The following DPP6 variants were observed in gnomAD, a reference collection of about 807,000 sequenced individuals.
The protein encoded by DPP6 is dipeptidyl peptidase like 6.
DPP6 carries 69 observed loss-of-function variants against 122.6 expected under a neutral mutation model. The ratio of observed to expected loss-of-function variants is 0.56; its 90% CI spans 0.46 to 0.69. The LOEUF is 0.69. Among genes scored for constraint, DPP6 ranks in the 30% least tolerant of loss-of-function variants. DPP6 has a pLI of 0.00. For synonymous variants in DPP6, 418 were observed against 433.1 expected, an observed-to-expected ratio of 0.97 and a Z score of 0.43; for missense variants, 928 against 1,116.9, an observed-to-expected ratio of 0.83 and a Z score of 2.41.
the DPP6 span, among the ~76,000 whole-genome samples, chr7:153,872,123 T>G: frequency 6.6e-6 from 1 of 152,310 alleles, no homozygotes; most frequent in Admixed American, 6.5e-5. Flanking sequence ...TCTGTAATGT[T>G]TTGCCTTAAA....
At chr7:154,064,872 G>A (rs2628933) in intron 1 of DPP6, among the ~76,000 whole-genome samples, 6 of 152,292 alleles carry the variant, frequency 3.9e-5, no homozygotes, top group East Asian at 1.9e-4. Flanking sequence ...CACCGCAAGC[G>A]CGTTGCACAG....
At chr7:153,912,118 A>G (rs987804873) in intron 1 of DPP6, among the ~76,000 whole-genome samples, 2 of 152,234 alleles carry the variant, frequency 1.3e-5, no homozygotes, top group Non-Finnish European at 2.9e-5. Context: ...CCAAAAAAAA[A>G]TATGTACACT....
chr7:154,575,920 G>T (rs1190385523), intron 5 of DPP6, among the ~76,000 whole-genome samples: 1 of 151,976 alleles, frequency 6.6e-6, no homozygotes, highest in African/African-American at 2.4e-5. Context: ...CGATTCTTTC[G>T]TGTATAGCTT....
At chr7:154,500,107 C>T (rs34090938) in intron 3 of DPP6, among the ~76,000 whole-genome samples, 9,926 of 152,128 alleles carry the variant, frequency 0.065, 366 homozygotes, top group East Asian at 0.13. Flanking sequence ...ATAGGTGGCT[C>T]GTCACACTAC....
At chr7:154,711,939 T>TACACACAC (rs57187871) in intron 7 of DPP6, among the ~76,000 whole-genome samples, 5,344 of 63,784 alleles carry the variant, frequency 0.084, 187 homozygotes, top group African/African-American at 0.14. Flanking sequence ...TGTCACTTAA[T>TACACACAC]ACACACACAC....
Position 154,892,598 on chromosome 7 carries a change from A to G in DPP6, c.*118A>G. ...GGCGGGGCGGGGCCGGGTGTTCCAT[A>G]GCATGTGTGTCTCGGATGCGGAAGG... On this transcript the variant is annotated 3_prime_UTR_variant, in exon 26 of 26. Coordinates refer to ENST00000377770, the MANE Select transcript of DPP6 (RefSeq NM_130797.4). 2 of 1,543,182 alleles carry G rather than the reference A, an allele frequency of 1.3e-6. No homozygotes were observed. The highest frequency in any genetic ancestry group is 2.3e-5 in the East Asian group (1 of 44,330).
At chr7:153,908,732 A>G (rs574836945) in intron 1 of DPP6, among the ~76,000 whole-genome samples, 3 of 152,232 alleles carry the variant, frequency 2.0e-5, no homozygotes, top group Admixed American at 6.5e-5. Flanking sequence ...GAAAATATGA[A>G]TGGTCACATG....
chr7:153,835,615 T>C, the DPP6 span, among the ~76,000 whole-genome samples: 1 of 152,174 alleles, frequency 6.6e-6, no homozygotes, highest in Non-Finnish European at 1.5e-5. Flanking sequence ...ATTTTGGCTC[T>C]CCTACTCATT....
chr7:154,407,647 A>G (rs979320117), intron 1 of DPP6, among the ~76,000 whole-genome samples: 1 of 152,232 alleles, frequency 6.6e-6, no homozygotes, highest in African/African-American at 2.4e-5. Context: ...TTTTTAAAAA[A>G]TAGAAATAAA....
At chr7:154,506,421 G>GA (rs1196956315) in intron 3 of DPP6, among the ~76,000 whole-genome samples, 1 of 152,056 alleles carries the variant, frequency 6.6e-6, no homozygotes, top group African/African-American at 2.4e-5. Context: ...CCACATTCCT[G>GA]AGATTTTTTT....
intron 10 of DPP6, among the ~76,000 whole-genome samples, chr7:154,781,644 G>T (rs1313035269): frequency 1.3e-5 from 2 of 152,136 alleles, no homozygotes; most frequent in African/African-American, 2.4e-5. Context: ...TGGTATTTAG[G>T]GTCGTTTCAG....
intron 1 of DPP6, among the ~76,000 whole-genome samples, chr7:154,162,787 C>T (rs557915089): frequency 1.1e-4 from 16 of 152,270 alleles, no homozygotes; most frequent in African/African-American, 3.9e-4. Flanking sequence ...AAACTTGACA[C>T]CTGGAATCTG....
At chr7:154,289,241 A>G (rs1468481356) in intron 1 of DPP6, among the ~76,000 whole-genome samples, 2 of 152,240 alleles carry the variant, frequency 1.3e-5, no homozygotes, top group African/African-American at 4.8e-5. Flanking sequence ...AATATTTCCG[A>G]GACTTGATAA....
intron 1 of DPP6, among the ~76,000 whole-genome samples, chr7:154,395,763 T>C (rs982893078): frequency 6.6e-6 from 1 of 152,152 alleles, no homozygotes; most frequent in African/African-American, 2.4e-5. Flanking sequence ...GTCTAATTGT[T>C]CTGGCTAGAA....
At chr7:154,588,025 A>G in intron 5 of DPP6, 2 of 1,612,282 alleles carry the variant, frequency 1.2e-6, no homozygotes, top group South Asian at 2.2e-5. Flanking sequence ...GCATCTGCTC[A>G]CCCCGGGGAT....
chr7:153,902,040 C>T (rs893070414), intron 1 of DPP6, among the ~76,000 whole-genome samples: 2 of 152,188 alleles, frequency 1.3e-5, no homozygotes, highest in African/African-American at 2.4e-5. Context: ...AAATCTTCTT[C>T]CAACCTAGAA....
At chr7:154,665,236 T>G (rs911146523) in intron 6 of DPP6, among the ~76,000 whole-genome samples, 1 of 152,254 alleles carries the variant, frequency 6.6e-6, no homozygotes, top group African/African-American at 2.4e-5. Flanking sequence ...TCCCATTGCA[T>G]TATATCCAAT....
intron 1 of DPP6, among the ~76,000 whole-genome samples, chr7:154,045,238 G>C (rs1412341443): frequency 6.6e-6 from 1 of 151,188 alleles, no homozygotes; most frequent in Non-Finnish European, 1.5e-5. Flanking sequence ...CATTTAAATG[G>C]TTTCTTTTTT....
At chr7:154,027,302 C>A (rs1756491875) in intron 1 of DPP6, among the ~76,000 whole-genome samples, 1 of 152,148 alleles carries the variant, frequency 6.6e-6, no homozygotes, top group Non-Finnish European at 1.5e-5. Flanking sequence ...TGTTTCTAAA[C>A]ATTTTTTTTG....
Sources: allele counts gnomAD v4.1 joint callset (sites outside exome capture counted in the v4.1 genomes callset), GRCh38; gene constraint gnomAD v4.1.1; transcripts MANE v1.5; gene names NCBI Gene and HGNC (gene_info 2026-07-23, HGNC 2026-07-21).